The following POLR1H variants were observed in gnomAD, a reference collection of about 807,000 sequenced individuals.
The protein encoded by POLR1H is DNA-directed RNA polymerase I subunit RPA12.
A neutral mutation model predicts 15.8 loss-of-function variants in POLR1H; 5 were observed. The observed-to-expected ratio is 0.32, with a 90% CI of 0.17 to 0.67. The LOEUF (loss-of-function observed/expected upper bound fraction) is 0.67. POLR1H is among the 30% of genes least tolerant of loss of function. The probability of loss-of-function intolerance (pLI) is 0.74; values close to 1 mark genes in which losing one functional copy is unlikely to be tolerated. For synonymous variants in POLR1H, 43 were observed against 58.3 expected (o/e 0.74, Z 1.20); for missense variants, 100 against 163.4 (o/e 0.61, Z 2.11).
chr6:30,060,751 G>C (rs1424964548), upstream of POLR1H: 1 of 152,150 alleles, frequency 6.6e-6, no homozygotes, highest in South Asian at 2.1e-4. Flanking sequence ...CCCTTTCCAA[G>C]CGCAGTGAAC....
chr6:30,064,556 G>A, intron 3 of POLR1H, 117 bp from the exon 4 acceptor site: 1 of 854,254 alleles, frequency 1.2e-6, no homozygotes, highest in East Asian at 2.8e-5. Context: ...AGGGGAGCCA[G>A]TCCTCAATGA....
chr6:30,061,179 G>T (rs775634028), upstream of POLR1H: 2 of 230,844 alleles, frequency 8.7e-6, no homozygotes, highest in East Asian at 9.0e-5. This position sits in a 1 kb window ranked among gnomAD's most constrained non-coding sequence, Gnocchi z 5.0. Context: ...GACACGGTTC[G>T]CAATTAATTA....
At position 30,064,650 on chromosome 6, in the gene POLR1H, A is replaced by G. The variant is rs766371329; in HGVS notation, c.357-23A>G. On this transcript the variant is annotated intron_variant, in intron 3 of 3. Coordinates refer to ENST00000332435, the MANE Select transcript of POLR1H (RefSeq NM_170783.4). The stretch of plus-strand genomic sequence containing the variant: ...AGAAACTCATCTTTTGGTGAATATA[A>G]CAAGTCCTTTCTTTCCTCATAGGTT... The G allele has an allele frequency of 1.9e-6, 3 of 1,604,304 alleles. No homozygotes were observed. In the South Asian group the frequency reaches 3.3e-5, roughly 18 times the overall value.
intron 3 of POLR1H, 29 bp downstream of exon 3, chr6:30,062,362 A>G (rs1380698816): frequency 1.6e-5 from 23 of 1,469,054 alleles, no homozygotes; most frequent in Non-Finnish European, 2.2e-5. Context: ...CCCTCTGCTC[A>G]GTCTGTTTGC....
At chr6:30,061,146 G>A (rs1765006966), upstream of POLR1H, 1 of 190,622 alleles carries the variant, frequency 5.2e-6, no homozygotes, top group Non-Finnish European at 1.1e-5. The surrounding 1 kb of genome is among the most constrained non-coding windows in gnomAD (Gnocchi z 5.0). Flanking sequence ...GAAGACGTTA[G>A]TCTCCATCTC....
Position 30,061,897 on chromosome 6 carries a change from G to T in POLR1H, c.146-20G>T. 1 of 1,612,360 alleles carries T rather than the reference G, an allele frequency of 6.2e-7. No individual in the cohort carries two copies. The highest frequency in any genetic ancestry group is 1.3e-5 in the African/African-American group (1 of 75,042). On this transcript the variant is annotated intron_variant, in intron 1 of 3. Coordinates refer to ENST00000332435, the MANE Select transcript of POLR1H (RefSeq NM_170783.4). This position sits in a 1 kb window ranked among gnomAD's most constrained non-coding sequence, Gnocchi z 5.0. The stretch of plus-strand genomic sequence containing the variant: ...CTCTCTCTGGTTGTCTCCATAACCA[G>T]TTCTTACTTGCCTGTGCAGACTTTG...
In POLR1H at chr6:30,061,761, G is replaced by T; in HGVS notation, c.145+92G>T. On this transcript the variant is annotated intron_variant, in intron 1 of 3. Transcript: ENST00000332435. This position sits in a 1 kb window ranked among gnomAD's most constrained non-coding sequence, Gnocchi z 5.0. ...CGGTTGGGTTGAGGAGGGGATCCTA[G>T]AGCAGGACATCAGGCGGTTGTACAT... 6.3e-7 allele frequency: 1 copy of T among 1,583,906 alleles called. No individual in the cohort carries two copies. Among genetic ancestry groups the T allele is most frequent in the Non-Finnish European group, 8.6e-7 (1 of 1,159,786 alleles).
Position 30,061,881 on chromosome 6 carries a change from G to A in POLR1H, c.146-36G>A. ...AGGTTTCCGGTGTCAGCTCTCTCTG[G>A]TTGTCTCCATAACCAGTTCTTACTT... On this transcript the variant is annotated intron_variant, in intron 1 of 3. Coordinates refer to ENST00000332435, the MANE Select transcript of POLR1H (RefSeq NM_170783.4). The surrounding 1 kb of genome is among the most constrained non-coding windows in gnomAD (Gnocchi z 5.0). The A allele has an allele frequency of 6.2e-7, 1 of 1,606,458 alleles. No homozygotes were observed. The highest frequency in any genetic ancestry group is 8.5e-7 in the Non-Finnish European group (1 of 1,174,126).
At chr6:30,062,086 G>C in intron 2 of POLR1H, 69 bp downstream of exon 2, 1 of 1,510,146 alleles carries the variant, frequency 6.6e-7, no homozygotes, top group Non-Finnish European at 9.2e-7. Flanking sequence ...TGATTGCAAA[G>C]CTCTGGAGAG....
rs913239811 is a variant in POLR1H, at chr6:30,063,463, T to C, written c.356+1130T>C. On this transcript the variant is annotated intron_variant, in intron 3 of 3. Coordinates refer to ENST00000332435, the MANE Select transcript of POLR1H (RefSeq NM_170783.4). The surrounding 1 kb of genome is among the most constrained non-coding windows in gnomAD (Gnocchi z 4.1). ...TTAATTACTTTTCAAATCTCCTTAA[T>C]TTTTAAATAATTATCAGTTCTTTAA... Among the ~76,000 whole-genome samples, 1 of 151,668 alleles carries C rather than the reference T, an allele frequency of 6.6e-6. No homozygotes were observed.
intron 3 of POLR1H, 133 bp downstream of exon 3, chr6:30,062,466 G>A: frequency 3.7e-6 from 2 of 539,984 alleles, no homozygotes; most frequent in Non-Finnish European, 6.7e-6. Flanking sequence ...GTAATAGGGA[G>A]ATTTGTAGTT....
At chr6:30,062,152 C>T (rs865974875) in intron 2 of POLR1H, 72 bp from the exon 3 acceptor site, 6 of 1,454,376 alleles carry the variant, frequency 4.1e-6, no homozygotes, top group Admixed American at 1.7e-5. Flanking sequence ...GTTTGAGAGG[C>T]GTGATCGCCT....
Position 30,061,675 on chromosome 6 carries a change from AG to A in POLR1H, c.145+8del. Reference sequence around the variant, plus strand: ...CTTCAACATCAACGTTCGGGGTGAGAGGCTTGTACGCAGGGGTCCTGGCGGA... The same window carrying A: ...CTTCAACATCAACGTTCGGGGTGAGAGCTTGTACGCAGGGGTCCTGGCGGA... On this transcript the variant is annotated splice_region_variant and intron_variant, in intron 1 of 3. Coordinates refer to ENST00000332435, the MANE Select transcript of POLR1H (RefSeq NM_170783.4). This position sits in a 1 kb window ranked among gnomAD's most constrained non-coding sequence, Gnocchi z 5.0. The A allele has an allele frequency of 3.7e-6, 6 of 1,612,858 alleles. No homozygotes were observed. The highest frequency in any genetic ancestry group is 4.2e-6 in the Non-Finnish European group (5 of 1,179,976).
upstream of POLR1H, chr6:30,060,945 A>C (rs1764979853): frequency 6.6e-6 from 1 of 152,310 alleles, no homozygotes; most frequent in African/African-American, 2.4e-5. Flanking sequence ...CAAAGAAATC[A>C]TTATTTGGCA....
In POLR1H at chr6:30,061,282, C is replaced by T. The variant is rs1280331372; in HGVS notation, c.-243C>T. ...GCGGGCGCAGAGCTGGCGCTCTAGC[C>T]CACGGAGTTGGTTAACTCCTCTCAC... On this transcript the variant is annotated 5_prime_UTR_variant, in exon 1 of 4. Coordinates refer to ENST00000332435, the MANE Select transcript of POLR1H (RefSeq NM_170783.4). This position sits in a 1 kb window ranked among gnomAD's most constrained non-coding sequence, Gnocchi z 5.0. The T allele has an allele frequency of 4.7e-6, 2 of 426,276 alleles. No homozygotes were observed. The highest frequency in any genetic ancestry group is 3.6e-5 in the East Asian group (1 of 27,600). The allele number at this position is 426,276 out of a possible 1,614,324, so 26.4% of individuals were successfully genotyped here. A position where few individuals can be genotyped will look rare whatever the true frequency, so the allele number is the denominator to read the frequency against.
Position 30,064,668 on chromosome 6 carries a change from C to T in POLR1H, c.357-5C>T. 1 of 1,607,438 alleles carries T rather than the reference C, an allele frequency of 6.2e-7. No homozygotes were observed. Among genetic ancestry groups the T allele is most frequent in the South Asian group, 1.1e-5 (1 of 90,074 alleles). Reference sequence around the variant, plus strand: ...GAATATAACAAGTCCTTTCTTTCCTCATAGGTTCCAGGAGAAGGAAGACTC... The same window carrying T: ...GAATATAACAAGTCCTTTCTTTCCTTATAGGTTCCAGGAGAAGGAAGACTC... On this transcript the variant is annotated splice_region_variant and splice_polypyrimidine_tract_variant and intron_variant, in intron 3 of 3. Transcript: ENST00000332435.
chr6:30,061,476 TTC>T lies in POLR1H; in HGVS notation c.-43_-42del, dbSNP rs751031124. 2 of 1,603,730 alleles carry T rather than the reference TTC, an allele frequency of 1.2e-6. No homozygotes were observed. The highest frequency in any genetic ancestry group is 1.7e-6 in the Non-Finnish European group (2 of 1,173,532). On this transcript the variant is annotated 5_prime_UTR_variant, in exon 1 of 4. Transcript: ENST00000332435. This position sits in a 1 kb window ranked among gnomAD's most constrained non-coding sequence, Gnocchi z 5.0. ...GTTACGACCTCTGGGACAGGAACTC[TTC>T]TCTCTTTTGTTAATAAACTTCCAAC...
Position 30,062,211 on chromosome 6 carries a change from A to G in POLR1H, c.247-13A>G, listed in dbSNP as rs894884605. ...TATGACCAGGCCTCCCTAACCCACCAGTTTCTTCCCAGGTTGACAGGCGCT... is the reference window on the plus strand; with the variant it reads ...TATGACCAGGCCTCCCTAACCCACCGGTTTCTTCCCAGGTTGACAGGCGCT... On this transcript the variant is annotated splice_polypyrimidine_tract_variant and intron_variant, in intron 2 of 3. Coordinates refer to ENST00000332435, the MANE Select transcript of POLR1H (RefSeq NM_170783.4). 1.2e-6 allele frequency: 2 copies of G among 1,607,094 alleles called. No individual in the cohort carries two copies. The highest frequency in any genetic ancestry group is 1.7e-6 in the Non-Finnish European group (2 of 1,174,516).
rs773904814 is a variant in POLR1H, at chr6:30,062,207, C to G, written c.247-17C>G. The G allele has an allele frequency of 1.9e-5, 31 of 1,603,798 alleles. No homozygotes were observed. The African/African-American group carries it at 3.6e-4, about 19-fold the overall frequency. On this transcript the variant is annotated splice_polypyrimidine_tract_variant and intron_variant, in intron 2 of 3. Coordinates refer to ENST00000332435, the MANE Select transcript of POLR1H (RefSeq NM_170783.4). ...GGGATATGACCAGGCCTCCCTAACCCACCAGTTTCTTCCCAGGTTGACAGG... is the reference window on the plus strand; with the variant it reads ...GGGATATGACCAGGCCTCCCTAACCGACCAGTTTCTTCCCAGGTTGACAGG...
Sources: gnomAD v4.1 joint callset for allele counts (sites outside exome capture counted in the v4.1 genomes callset) on GRCh38, gnomAD v4.1.1 for gene constraint, Gnocchi (gnomAD v3.1) non-coding constraint, MANE v1.5 for transcripts, NCBI Gene and HGNC (gene_info 2026-07-23, HGNC 2026-07-21) for gene names.